EIF4G3: variants seen among roughly 807,000 people sequenced by gnomAD.
EIF4G3 encodes eukaryotic translation initiation factor 4 gamma 3.
In EIF4G3, 34 loss-of-function variants were observed where a neutral mutation model predicts 186.4. The ratio of observed to expected loss-of-function variants is 0.18; its 90% confidence interval spans 0.14 to 0.24. EIF4G3 has a LOEUF of 0.24. EIF4G3 is among the 10% of genes least tolerant of loss of function. The pLI is 1.00. For synonymous variants in EIF4G3, 673 were observed against 679.5 expected (o/e 0.99, Z 0.15); for missense variants, 1,536 against 1,948.5 (o/e 0.79, Z 3.99).
intron 13 of EIF4G3, among the ~76,000 whole-genome samples, chr1:20,946,791 C>T (rs1431117636): frequency 6.6e-6 from 1 of 151,986 alleles, no homozygotes; most frequent in African/African-American, 2.4e-5. Flanking sequence ...TTTCAAATCC[C>T]ACATTCTTCC....
intron 3 of EIF4G3, among the ~76,000 whole-genome samples, chr1:21,076,473 G>A (rs1480459591): frequency 6.6e-6 from 1 of 151,918 alleles, no homozygotes; most frequent in Non-Finnish European, 1.5e-5. Context: ...CTGGGAGAGA[G>A]AGCAAGATCC....
At chr1:20,942,716 A>C (rs16824863) in intron 13 of EIF4G3, among the ~76,000 whole-genome samples, 4,438 of 152,222 alleles carry the variant, frequency 0.029, 144 homozygotes, top group East Asian at 0.14. Context: ...TTTTCCAAGG[A>C]TATATTACAG....
chr1:21,041,936 GAA>G (rs981078506), intron 4 of EIF4G3, among the ~76,000 whole-genome samples: 2 of 151,036 alleles, frequency 1.3e-5, no homozygotes, highest in Non-Finnish European at 3.0e-5. Flanking sequence ...TATGCACTGA[GAA>G]AAAAAGTTTG....
chr1:20,831,278 ATTTTTT>A (rs35154451), intron 30 of EIF4G3, among the ~76,000 whole-genome samples: 6 of 142,992 alleles, frequency 4.2e-5, no homozygotes, highest in African/African-American at 1.0e-4. Flanking sequence ...AAAAATATTA[ATTTTTT>A]TTTTTTTTTT....
At chr1:20,971,381 T>C (rs1012284808) in intron 11 of EIF4G3, among the ~76,000 whole-genome samples, 2 of 152,232 alleles carry the variant, frequency 1.3e-5, no homozygotes, top group Non-Finnish European at 2.9e-5. Flanking sequence ...CTTTAATTCA[T>C]TTATTCTACT....
intron 2 of EIF4G3, among the ~76,000 whole-genome samples, chr1:21,110,786 C>T (rs752629730): frequency 8.6e-5 from 13 of 152,038 alleles, no homozygotes; most frequent in Non-Finnish European, 1.6e-4. Flanking sequence ...AGGCTGGTCT[C>T]AAACTCCTGA....
rs149429970 is a variant in EIF4G3 at position 20,983,181 on chromosome 1, C to A, written c.178-773G>T. ...GCTCATCCCCATTCAGCCTTCCTACCCCATGGCAAAGATAGCCCTAAAGAA... is the reference window on the plus strand; with the variant it reads ...GCTCATCCCCATTCAGCCTTCCTACACCATGGCAAAGATAGCCCTAAAGAA... On this transcript the variant is annotated intron_variant, in intron 7 of 36. Transcript: ENST00000602326. Among the ~76,000 whole-genome samples the A allele has an allele frequency of 4.6e-3, 705 of 152,116 alleles. 4 individuals are homozygous for A. Among genetic ancestry groups the A allele is most frequent in the African/African-American group, 0.016 (643 of 41,478 alleles).
At chr1:21,002,604 G>T in intron 5 of EIF4G3, 109 bp downstream of exon 5, 2 of 1,145,008 alleles carry the variant, frequency 1.7e-6, no homozygotes, top group South Asian at 1.8e-5. Context: ...AATCATCTTT[G>T]GAACAAACTT....
At chr1:21,073,639 C>T (rs772767050) in intron 3 of EIF4G3, 22 of 520,358 alleles carry the variant, frequency 4.2e-5, no homozygotes, top group Non-Finnish European at 8.0e-5. Context: ...ACGCCACATG[C>T]AGATTTCGGT....
chr1:20,908,873 G>A (rs1392901551), intron 14 of EIF4G3, among the ~76,000 whole-genome samples: 1 of 152,136 alleles, frequency 6.6e-6, no homozygotes, highest in African/African-American at 2.4e-5. Context: ...ATGGAGGCTG[G>A]GCGCAGTGGC....
chr1:20,895,519 G>C lies in EIF4G3; in HGVS notation c.2000-18C>G. On this transcript the variant is annotated intron_variant, in intron 16 of 36. Coordinates refer to ENST00000602326, the MANE Select transcript of EIF4G3 (RefSeq NM_001391906.1). ...CCAGGATTCTAGAAAGAGGAATATA[G>C]GCAGACACTGTTTGTAGGGCATTAT... The C allele has an allele frequency of 6.2e-7, 1 of 1,612,236 alleles. No individual in the cohort carries two copies. Among genetic ancestry groups the C allele is most frequent in the Non-Finnish European group, 8.5e-7 (1 of 1,178,998 alleles).
chr1:20,817,426 T>G lies in EIF4G3; in HGVS notation c.4481A>C (p.Lys1494Thr). The change falls in exon 34 of 37, where the codon AAA becomes ACA. Residue 1494 changes from lysine (K) to threonine (T), a missense_variant. Lys to Thr is a moderately conservative substitution (Grantham distance 78). Coordinates refer to ENST00000602326, the MANE Select transcript of EIF4G3 (RefSeq NM_001391906.1). ...GTCAAAGATCTGTTCATCATTCGCT[T>G]TGTCCTCAATAATGAGTTTCTCGAG... is the stretch of plus-strand genomic sequence containing the variant. ...KRLEKLIIED[K>T]ANDEQIFDWV... is the part of the protein sequence containing the mutation. 6.2e-7 allele frequency: 1 copy of G among 1,607,124 alleles called. No homozygotes were observed. The highest frequency in any genetic ancestry group is 8.5e-7 in the Non-Finnish European group (1 of 1,175,904).
At chr1:20,887,081 C>T (rs1393485542) in intron 18 of EIF4G3, among the ~76,000 whole-genome samples, 2 of 152,058 alleles carry the variant, frequency 1.3e-5, no homozygotes, top group East Asian at 1.9e-4. Flanking sequence ...ATCTTAAATG[C>T]TTGGAAATAA....
chr1:21,093,649 C>T lies in EIF4G3; in HGVS notation c.-271-4436G>A, dbSNP rs1030175495. Among the ~76,000 whole-genome samples, 3 of 152,126 alleles carry T rather than the reference C, an allele frequency of 2.0e-5. No individual in the cohort carries two copies. In the East Asian group the frequency reaches 5.8e-4, roughly 29 times the overall value. ...TCATGCTGCTATAAAGACACATGCA[C>T]ATGTATGTTTACTGTGGCACAATTC... On this transcript the variant is annotated intron_variant, in intron 2 of 36. Coordinates refer to ENST00000602326, the MANE Select transcript of EIF4G3 (RefSeq NM_001391906.1).
At chr1:20,828,018 G>A (rs2064062897) in intron 31 of EIF4G3, among the ~76,000 whole-genome samples, 1 of 149,640 alleles carries the variant, frequency 6.7e-6, no homozygotes, top group African/African-American at 2.5e-5. Flanking sequence ...GAGTTGTGAT[G>A]CTTTTATAAA....
At chr1:20,887,526 A>C (rs1306051890) in intron 18 of EIF4G3, among the ~76,000 whole-genome samples, 2 of 152,268 alleles carry the variant, frequency 1.3e-5, no homozygotes, top group East Asian at 3.9e-4. Context: ...CCAATTAGAA[A>C]TGGTAGTATC....
At chr1:21,009,162 A>G (rs2086208463) in intron 4 of EIF4G3, among the ~76,000 whole-genome samples, 2 of 152,164 alleles carry the variant, frequency 1.3e-5, no homozygotes, top group Admixed American at 6.5e-5. Flanking sequence ...TTATGCATAT[A>G]TAAGTGTGTT....
Position 20,966,794 on chromosome 1 carries a change from G to C in EIF4G3, c.714+2680C>G, listed in dbSNP as rs940052607. ...CTTTCTATGATGCTCCAGAAAATGA[G>C]GTCAAATGTCAGTTGTCATCATTAT... On this transcript the variant is annotated intron_variant, in intron 12 of 36. Coordinates refer to ENST00000602326, the MANE Select transcript of EIF4G3 (RefSeq NM_001391906.1). Among the ~76,000 whole-genome samples the C allele has an allele frequency of 3.9e-5, 6 of 152,156 alleles. No homozygotes were observed. In the East Asian group the frequency reaches 1.2e-3, roughly 29 times the overall value.
chr1:21,015,756 G>GAAAAAAA (rs71569803), intron 4 of EIF4G3, among the ~76,000 whole-genome samples: 5 of 132,132 alleles, frequency 3.8e-5, no homozygotes, highest in Admixed American at 7.9e-5. Flanking sequence ...TGAAAGGAAA[G>GAAAAAAA]AAAAAAAAAA....
Sources: gnomAD v4.1 joint callset for allele counts (sites outside exome capture counted in the v4.1 genomes callset) on GRCh38, gnomAD v4.1.1 for gene constraint, MANE v1.5 for transcripts, NCBI Gene and HGNC (gene_info 2026-07-23, HGNC 2026-07-21) for gene names.